COL21A1: variants seen among roughly 807,000 people sequenced by gnomAD.
The protein encoded by COL21A1 is collagen type XXI alpha 1 chain, also known as collagen alpha-1(XXI) chain.
A neutral mutation model predicts 137.9 loss-of-function variants in COL21A1; 149 were observed. The observed-to-expected ratio is 1.08, with a 90% CI of 0.95 to 1.24. The LOEUF is 1.24. Ranked by LOEUF, COL21A1 falls within the 50% of genes most tolerant of loss-of-function variation. The pLI is 0.00. For synonymous variants in COL21A1, 456 were observed against 391.5 expected (o/e 1.16, Z -1.95); for missense variants, 1,167 against 1,158.4 (o/e 1.01, Z -0.11).
At chr6:56,382,208 T>C (rs933047214) in intron 1 of COL21A1, among the ~76,000 whole-genome samples, 1 of 152,180 alleles carries the variant, frequency 6.6e-6, no homozygotes, top group Non-Finnish European at 1.5e-5. Flanking sequence ...TGAGTTCTGG[T>C]GCCCTAGAAA....
chr6:56,163,037 C>T (rs1409785013), intron 9 of COL21A1, among the ~76,000 whole-genome samples: 1 of 152,132 alleles, frequency 6.6e-6, no homozygotes, highest in East Asian at 1.9e-4. Context: ...AATTCCATAT[C>T]TTTCTTTATT....
intron 7 of COL21A1, among the ~76,000 whole-genome samples, chr6:56,165,624 C>T (rs1776514145): frequency 6.6e-6 from 1 of 152,128 alleles, no homozygotes; most frequent in African/African-American, 2.4e-5. Context: ...AGTTATTTAT[C>T]TAGAAAACCC....
Position 56,270,125 on chromosome 6 carries a change from G to T in COL21A1, c.-38-87469C>A, listed in dbSNP as rs115260181. Among the ~76,000 whole-genome samples, 940 of 152,264 alleles carry T rather than the reference G, an allele frequency of 6.2e-3. 13 individuals carry two copies. Among genetic ancestry groups the T allele is most frequent in the African/African-American group, 0.021 (872 of 41,544 alleles). ...TGCCCCACTTAAAAGACATAGAGTG[G>T]CAAGCTAAATAAAAAGACAAGACCC... On this transcript the variant is annotated intron_variant, in intron 1 of 28. Coordinates refer to the COL21A1 transcript ENST00000370819.
intron 16 of COL21A1, among the ~76,000 whole-genome samples, chr6:56,106,465 C>T (rs771027786): frequency 2.6e-5 from 4 of 152,166 alleles, no homozygotes; most frequent in Non-Finnish European, 5.9e-5. Flanking sequence ...ATGTTTCTCA[C>T]TCCTCCACAT....
chr6:56,165,322 T>A (rs1223603442), intron 7 of COL21A1, among the ~76,000 whole-genome samples: 1 of 152,120 alleles, frequency 6.6e-6, no homozygotes, highest in Non-Finnish European at 1.5e-5. Flanking sequence ...AAAAATTAGT[T>A]CAAAAATAAG....
intron 10 of COL21A1, among the ~76,000 whole-genome samples, chr6:56,143,482 G>A (rs1181859026): frequency 6.6e-6 from 1 of 152,094 alleles, no homozygotes. Flanking sequence ...TTACAGGCGT[G>A]AGCCACTGCA....
intron 21 of COL21A1, among the ~76,000 whole-genome samples, chr6:56,069,365 G>C (rs1374748102): frequency 1.3e-5 from 2 of 151,230 alleles, no homozygotes; most frequent in East Asian, 2.0e-4. Flanking sequence ...GTAAATATTT[G>C]TTATTTTTAT....
At chr6:56,199,989 G>A (rs1475609965) in intron 1 of COL21A1, among the ~76,000 whole-genome samples, 1 of 152,190 alleles carries the variant, frequency 6.6e-6, no homozygotes, top group East Asian at 1.9e-4. Flanking sequence ...AGGAGGAGAG[G>A]AAGGGCTCTG....
chr6:56,089,351 T>C (rs1255488420), intron 17 of COL21A1, among the ~76,000 whole-genome samples: 1 of 152,208 alleles, frequency 6.6e-6, no homozygotes, highest in East Asian at 1.9e-4. Flanking sequence ...CTGTAAATGT[T>C]TGTGTATGTA....
At chr6:56,319,509 T>C (rs1360910058) in intron 1 of COL21A1, among the ~76,000 whole-genome samples, 1 of 152,132 alleles carries the variant, frequency 6.6e-6, no homozygotes, top group Non-Finnish European at 1.5e-5. Flanking sequence ...GGTTAACTTT[T>C]GCATTTTTAG....
intron 1 of COL21A1, among the ~76,000 whole-genome samples, chr6:56,253,520 A>T (rs1481793540): frequency 6.6e-6 from 1 of 152,144 alleles, no homozygotes; most frequent in Non-Finnish European, 1.5e-5. Context: ...GAAAAGTAGA[A>T]CTCCAGAAAG....
At chr6:56,293,327 CAT>C (rs962433368) in intron 1 of COL21A1, among the ~76,000 whole-genome samples, 9 of 152,076 alleles carry the variant, frequency 5.9e-5, no homozygotes, top group South Asian at 2.1e-4. Flanking sequence ...CTTTTTCTCA[CAT>C]GTTTTATGAG....
rs565567703 is a variant in COL21A1 at position 56,194,945 on chromosome 6, T to C, written c.-38-12289A>G. ...CTGCCTTTTCGAATGGGTTAATCCATTCACAGATTAGTGGATTAATAAATT... is the reference window on the plus strand; with the variant it reads ...CTGCCTTTTCGAATGGGTTAATCCACTCACAGATTAGTGGATTAATAAATT... On this transcript the variant is annotated intron_variant, in intron 1 of 29. Coordinates refer to ENST00000244728, the MANE Select transcript of COL21A1 (RefSeq NM_030820.4). Among the ~76,000 whole-genome samples the C allele has an allele frequency of 6.6e-5, 10 of 152,272 alleles. No individual in the cohort carries two copies. The East Asian group carries it at 1.7e-3, about 26-fold the overall frequency.
Position 56,077,591 on chromosome 6 carries a change from AG to A in COL21A1, c.1813-19del, listed in dbSNP as rs1767360318. ...GGGATTCCCTAAAAACAAATAAAAT[AG>A]ATTTTTAACTTATAAAAAATTGAAG... On this transcript the variant is annotated intron_variant, in intron 17 of 29. Coordinates refer to ENST00000244728, the MANE Select transcript of COL21A1 (RefSeq NM_030820.4). 2 of 1,496,456 alleles carry A rather than the reference AG, an allele frequency of 1.3e-6. No individual in the cohort carries two copies. The highest frequency in any genetic ancestry group is 1.3e-5 in the South Asian group (1 of 78,706). 92.7% of individuals were successfully genotyped at this position (1,496,456 alleles called of 1,614,324 possible).
In COL21A1 at chr6:56,097,892, T is replaced by A. The variant is rs868760082; in HGVS notation, c.1812+3580A>T. ...ATATCTATAAATATATAAATATATA[T>A]AAATATATAAATATATAAATATATA... On this transcript the variant is annotated intron_variant, in intron 17 of 29. Transcript: ENST00000244728. 1.3e-4 allele frequency among the ~76,000 whole-genome samples: 11 copies of A among 87,614 alleles called. 2 individuals carry two copies. Among genetic ancestry groups the A allele is most frequent in the African/African-American group, 4.1e-4 (9 of 22,078 alleles). 57.5% of individuals were successfully genotyped at this position (87,614 alleles called of 152,430 possible).
chr6:56,081,102 G>A (rs1452513159), intron 17 of COL21A1, among the ~76,000 whole-genome samples: 1 of 151,756 alleles, frequency 6.6e-6, no homozygotes, highest in Admixed American at 6.6e-5. Context: ...TTAGCTCAGT[G>A]CTGGCATGAC....
upstream of COL21A1, among the ~76,000 whole-genome samples, chr6:56,249,227 G>A (rs1174506712): frequency 6.6e-6 from 1 of 152,172 alleles, no homozygotes; most frequent in African/African-American, 2.4e-5. Flanking sequence ...AAGTGTTAGG[G>A]AGGATATGGA....
At chr6:56,270,332 A>G (rs983728366) in intron 1 of COL21A1, among the ~76,000 whole-genome samples, 2 of 152,228 alleles carry the variant, frequency 1.3e-5, no homozygotes, top group African/African-American at 2.4e-5. Context: ...AGAGCATTAC[A>G]TGACACAAAA....
rs535610033 is a variant in COL21A1, at chr6:56,136,911, T to C, written c.1542+4874A>G. On this transcript the variant is annotated intron_variant, in intron 12 of 29. Transcript: ENST00000244728. ...CAGTCAGCACGACCGTGGGTACTCA[T>C]TCATCTTCTCCCTCCCCTGCCTATC... is the stretch of plus-strand genomic sequence containing the variant. Among the ~76,000 whole-genome samples, 23 of 152,230 alleles carry C rather than the reference T, an allele frequency of 1.5e-4. 1 individual carries two copies. The South Asian group carries it at 4.6e-3, about 30-fold the overall frequency.
Sources: gnomAD v4.1 joint callset for allele counts (sites outside exome capture counted in the v4.1 genomes callset) on GRCh38, gnomAD v4.1.1 for gene constraint, MANE v1.5 for transcripts, NCBI Gene and HGNC (gene_info 2026-07-23, HGNC 2026-07-21) for gene names.